Variants in LRBA observed in about 807,000 individuals in gnomAD.
LRBA encodes the protein lipopolysaccharide-responsive and beige-like anchor protein.
In LRBA, 176 loss-of-function variants were observed where a neutral mutation model predicts 330.0. That is an observed-to-expected ratio of 0.53 (90% CI 0.47 to 0.60). The LOEUF (loss-of-function observed/expected upper bound fraction) is 0.60, where lower values mean the gene tolerates loss of function less well. LRBA is among the 20% of genes least tolerant of loss of function. The pLI is 0.00. For synonymous variants in LRBA, 1,230 were observed against 1,193.0 expected, an observed-to-expected ratio of 1.03 and a Z score of -0.64; for missense variants, 3,259 against 3,444.8, an observed-to-expected ratio of 0.95 and a Z score of 1.35.
chr4:150,959,556 G>A (rs1317821724), intron 2 of LRBA, among the ~76,000 whole-genome samples: 1 of 149,210 alleles, frequency 6.7e-6, no homozygotes, highest in East Asian at 1.9e-4. Flanking sequence ...AAAGTTTGAG[G>A]TTCAATAAAG....
intron 40 of LRBA, among the ~76,000 whole-genome samples, chr4:150,527,036 G>T (rs1763553501): frequency 1.3e-5 from 2 of 149,498 alleles, no homozygotes. Flanking sequence ...TAAAGAAACT[G>T]GGTTATTTAA....
At chr4:150,389,680 A>AC in intron 47 of LRBA, among the ~76,000 whole-genome samples, 1 of 149,636 alleles carries the variant, frequency 6.7e-6, no homozygotes, top group East Asian at 1.9e-4. Flanking sequence ...CTGTCTCAAA[A>AC]AAAAAAAAAA....
At chr4:150,620,006 AC>A (rs1429030068) in intron 37 of LRBA, among the ~76,000 whole-genome samples, 2 of 152,288 alleles carry the variant, frequency 1.3e-5, no homozygotes, top group Admixed American at 6.5e-5. Flanking sequence ...TAATTTAACT[AC>A]AAAAAATTTA....
chr4:150,413,662 T>C (rs778543546), intron 47 of LRBA, among the ~76,000 whole-genome samples: 2 of 152,204 alleles, frequency 1.3e-5, no homozygotes, highest in Non-Finnish European at 2.9e-5. Context: ...AGGAAACTTT[T>C]TGTACTCGTG....
chr4:150,685,599 A>C (rs931886939), intron 36 of LRBA, among the ~76,000 whole-genome samples: 3 of 149,716 alleles, frequency 2.0e-5, no homozygotes, highest in African/African-American at 7.4e-5. Flanking sequence ...ACACCCAGCT[A>C]ATTTTTTTGT....
intron 47 of LRBA, among the ~76,000 whole-genome samples, chr4:150,386,483 A>G (rs1406318423): frequency 7.8e-6 from 1 of 127,492 alleles, no homozygotes; most frequent in African/African-American, 3.0e-5. Context: ...TGTTCTCATC[A>G]TTCAGCTTCC....
Position 150,806,274 on chromosome 4 carries a change from T to C in LRBA, c.5515A>G (p.Thr1839Ala), listed in dbSNP as rs767120313. The change falls in exon 33 of 57, where the codon ACA becomes GCA. Residue 1839 changes from threonine (T) to alanine (A), a missense_variant. Transcript: ENST00000651943. Reference protein sequence around the residue: ...SHGQELLIEGTSLVCMKSSSS... With the variant: ...SHGQELLIEGASLVCMKSSSS... ...AAAATAAAGAAAAACCACTTACTTG[T>C]TCCTTCTATAAGCAGTTCTTGTCCA... 1.3e-6 allele frequency: 2 copies of C among 1,566,566 alleles called. No homozygotes were observed. Among genetic ancestry groups the C allele is most frequent in the Non-Finnish European group, 1.7e-6 (2 of 1,161,342 alleles).
intron 56 of LRBA, among the ~76,000 whole-genome samples, chr4:150,271,208 AC>A (rs1439624447): frequency 1.3e-5 from 2 of 152,088 alleles, no homozygotes; most frequent in Non-Finnish European, 2.9e-5. Flanking sequence ...AGTCTTCACA[AC>A]CTGCAGACCA....
chr4:150,700,702 C>T (rs919163990), intron 36 of LRBA, among the ~76,000 whole-genome samples: 8 of 151,844 alleles, frequency 5.3e-5, no homozygotes, highest in Non-Finnish European at 5.9e-5. Context: ...TTAAAATGCA[C>T]ATTGTACAGC....
intron 40 of LRBA, among the ~76,000 whole-genome samples, chr4:150,550,028 C>G (rs1371682526): frequency 6.6e-6 from 1 of 152,114 alleles, no homozygotes; most frequent in Non-Finnish European, 1.5e-5. Context: ...AAAATACAAA[C>G]TAGTTTAGGG....
intron 47 of LRBA, among the ~76,000 whole-genome samples, chr4:150,374,979 A>C (rs1360757947): frequency 6.6e-6 from 1 of 152,224 alleles, no homozygotes; most frequent in Non-Finnish European, 1.5e-5. Context: ...AATTTAATAA[A>C]GGTTCTATTC....
At chr4:150,791,958 G>A (rs2126644731) in intron 34 of LRBA, among the ~76,000 whole-genome samples, 1 of 135,604 alleles carries the variant, frequency 7.4e-6, no homozygotes, top group East Asian at 2.3e-4. Context: ...GAACCCGGGA[G>A]ATGGAGGTTG....
chr4:150,797,631 T>C (rs1377778298), intron 34 of LRBA, among the ~76,000 whole-genome samples: 2 of 152,040 alleles, frequency 1.3e-5, no homozygotes, highest in Non-Finnish European at 2.9e-5. Flanking sequence ...GTTAATGTTT[T>C]CCCAAATCTA....
chr4:150,909,097 CT>C (rs1731676273), intron 9 of LRBA, among the ~76,000 whole-genome samples: 1 of 152,102 alleles, frequency 6.6e-6, no homozygotes, highest in Non-Finnish European at 1.5e-5. Flanking sequence ...CATATTTTAT[CT>C]TTTTTCGTAT....
chr4:150,883,434 T>C (rs899027903), intron 17 of LRBA, among the ~76,000 whole-genome samples: 2 of 152,170 alleles, frequency 1.3e-5, no homozygotes, highest in Non-Finnish European at 2.9e-5. Flanking sequence ...CACTCCAGCC[T>C]GGGCGACAGA....
intron 40 of LRBA, among the ~76,000 whole-genome samples, chr4:150,492,023 A>C (rs1339105305): frequency 2.6e-5 from 4 of 152,114 alleles, no homozygotes; most frequent in Non-Finnish European, 5.9e-5. Flanking sequence ...ATGATACTAC[A>C]TTGTAGGAAT....
chr4:150,327,345 A>G (rs1724563971), intron 48 of LRBA, among the ~76,000 whole-genome samples: 2 of 152,290 alleles, frequency 1.3e-5, no homozygotes, highest in South Asian at 2.1e-4. Flanking sequence ...GCTTGAGGCC[A>G]GGAGTTCGAG....
chr4:150,445,964 A>G (rs965805624), intron 44 of LRBA, among the ~76,000 whole-genome samples: 5 of 152,164 alleles, frequency 3.3e-5, no homozygotes, highest in Non-Finnish European at 5.9e-5. Context: ...CTAAATCTTA[A>G]TACAAAAATT....
intron 37 of LRBA, among the ~76,000 whole-genome samples, chr4:150,630,261 C>T (rs915526243): frequency 1.3e-5 from 2 of 152,110 alleles, no homozygotes; most frequent in Admixed American, 6.6e-5. Flanking sequence ...TTCTTCAAAT[C>T]TATAATCAAA....
Sources: allele counts gnomAD v4.1 joint callset (sites outside exome capture counted in the v4.1 genomes callset), GRCh38; gene constraint gnomAD v4.1.1; transcripts MANE v1.5; gene names NCBI Gene and HGNC (gene_info 2026-07-23, HGNC 2026-07-21).